THBS2: variants seen among roughly 807,000 people sequenced by gnomAD.
THBS2 encodes thrombospondin 2, also known as thrombospondin-2.
In THBS2, 47 loss-of-function variants were observed where a neutral mutation model predicts 135.2. The ratio of observed to expected loss-of-function variants is 0.35; its 90% confidence interval spans 0.28 to 0.44. The LOEUF (loss-of-function observed/expected upper bound fraction) is 0.44. THBS2 is among the 20% of genes least tolerant of loss of function. THBS2 has a pLI of 1.00. For synonymous variants in THBS2, 639 were observed against 633.8 expected (o/e 1.01, Z -0.12); for missense variants, 1,288 against 1,603.1 (o/e 0.80, Z 3.36).
At chr6:169,227,242 C>T (rs945725640) in intron 15 of THBS2, among the ~76,000 whole-genome samples, 1 of 152,106 alleles carries the variant, frequency 6.6e-6, no homozygotes, top group Non-Finnish European at 1.5e-5. Context: ...GGGCCGAGCT[C>T]CAGCGTGGAG....
Position 169,225,315 on chromosome 6 carries a change from C to T in THBS2, c.2603G>A (p.Gly868Asp), listed in dbSNP as rs2114981797. The change falls in exon 17 of 22, where the codon GGC becomes GAC. Residue 868 changes from glycine (G) to aspartate (D), a missense_variant. Transcript: ENST00000617924. ...CDNNEDIDDDGHQNNQDNCPY... is the reference protein window; with the variant it reads ...CDNNEDIDDDDHQNNQDNCPY... Reference sequence around the variant, plus strand: ...GCAGTTGTCCTGGTTGTTCTGGTGGCCGTCGTCATCTATGTCCTCGTTGTT... The same window carrying T: ...GCAGTTGTCCTGGTTGTTCTGGTGGTCGTCGTCATCTATGTCCTCGTTGTT... The T allele has an allele frequency of 6.3e-7, 1 of 1,580,428 alleles. No individual in the cohort carries two copies. Among genetic ancestry groups the T allele is most frequent in the South Asian group, 1.1e-5 (1 of 87,426 alleles).
chr6:169,236,904 CCTTT>C (rs1368128189), intron 9 of THBS2, among the ~76,000 whole-genome samples: 52 of 152,368 alleles, frequency 3.4e-4, no homozygotes, highest in African/African-American at 1.2e-3. Context: ...GATCATTCTT[CCTTT>C]AATTACAGTC....
At chr6:169,224,041 A>G (rs1779530984) in intron 17 of THBS2, among the ~76,000 whole-genome samples, 1 of 151,886 alleles carries the variant, frequency 6.6e-6, no homozygotes, top group Non-Finnish European at 1.5e-5. Context: ...GGGGACCACG[A>G]ATTTGCCACA....
intron 1 of THBS2, among the ~76,000 whole-genome samples, chr6:169,251,509 G>C (rs577814547): frequency 6.6e-6 from 1 of 152,154 alleles, no homozygotes; most frequent in African/African-American, 2.4e-5. Context: ...TCCAAAGCCC[G>C]GCTGGGCGAT....
At chr6:169,246,325 T>G (rs746755709) in intron 3 of THBS2, 44 bp from the exon 4 acceptor site, 22 of 1,488,892 alleles carry the variant, frequency 1.5e-5, no homozygotes, top group Non-Finnish European at 2.1e-5. Context: ...CAGATAAACA[T>G]CCAATGTTTG....
chr6:169,232,147 G>A lies in THBS2; in HGVS notation c.1984C>T (p.His662Tyr), dbSNP rs758125602. The change falls in exon 13 of 22, where the codon CAC (histidine) becomes TAC (tyrosine). Residue 662 changes from histidine to tyrosine, a missense_variant. Physicochemically the swap from His to Tyr is moderately conservative, Grantham distance 83. Coordinates refer to ENST00000617924, the MANE Select transcript of THBS2 (RefSeq NM_003247.5). ...TGGCCCAGGTAGATGCACTCCGCGT[G>A]CTTGTGGCAGTTGTGTGTCTTGTCC... Reference protein sequence around the residue: ...CKDKTHNCHKHAECIYLGHFS... With the variant: ...CKDKTHNCHKYAECIYLGHFS... 10 of 1,613,974 alleles carry A rather than the reference G, an allele frequency of 6.2e-6. No individual in the cohort carries two copies. In the Admixed American group the frequency reaches 1.0e-4, roughly 16 times the overall value.
At chr6:169,229,764 G>A in intron 13 of THBS2, 85 bp from the exon 14 acceptor site, 1 of 1,148,198 alleles carries the variant, frequency 8.7e-7, no homozygotes, top group Non-Finnish European at 1.3e-6. Flanking sequence ...AACCAGCATG[G>A]CGCCGAGGAA....
chr6:169,225,334 CGTT>C lies in THBS2; in HGVS notation c.2581_2583del (p.Asn861del), dbSNP rs774683794. ...TGGTGGCCGTCGTCATCTATGTCCT[CGTT>C]GTTGTCACACTGGTCCCCAACAAGG... On this transcript the variant is annotated inframe_deletion, in exon 17 of 22. Coordinates refer to ENST00000617924, the MANE Select transcript of THBS2 (RefSeq NM_003247.5). 4.2e-5 allele frequency: 66 copies of C among 1,566,352 alleles called. No homozygotes were observed. The highest frequency in any genetic ancestry group is 7.0e-5 in the South Asian group (6 of 85,778).
At chr6:169,242,726 TTCCCACCTTCCCACCGC>T (rs1780375888) in intron 4 of THBS2, among the ~76,000 whole-genome samples, 1 of 120,360 alleles carries the variant, frequency 8.3e-6, no homozygotes, top group Admixed American at 8.2e-5. Flanking sequence ...CCTTCCCACC[TTCCCACCTTCCCACCGC>T]TCCCACCTTC....
intron 4 of THBS2, among the ~76,000 whole-genome samples, chr6:169,244,290 C>T (rs1360694341): frequency 2.7e-5 from 4 of 147,992 alleles, no homozygotes; most frequent in African/African-American, 1.0e-4. Flanking sequence ...AAGGAGGCTG[C>T]ACCTACTAGG....
Position 169,241,228 on chromosome 6 carries a change from T to C in THBS2, c.891+534A>G. On this transcript the variant is annotated intron_variant, in intron 5 of 21. Coordinates refer to ENST00000617924, the MANE Select transcript of THBS2 (RefSeq NM_003247.5). This position sits in a 1 kb window ranked among gnomAD's most constrained non-coding sequence, Gnocchi z 5.5. The stretch of plus-strand genomic sequence containing the variant: ...AGCACCTCATTATGTTCAGTCCCTT[T>C]CTCTAAACTGCGAGCTGCCCGTCCT... Among the ~76,000 whole-genome samples the C allele has an allele frequency of 6.6e-6, 1 of 152,068 alleles. No homozygotes were observed. Among genetic ancestry groups the C allele is most frequent in the Non-Finnish European group, 1.5e-5 (1 of 68,018 alleles).
chr6:169,220,067 A>C, intron 21 of THBS2, 131 bp downstream of exon 21: 1 of 1,168,994 alleles, frequency 8.6e-7, no homozygotes, highest in East Asian at 2.4e-5. Flanking sequence ...CAGGGGGCTC[A>C]TGTGTGGTAT....
At chr6:169,225,109 T>G in intron 17 of THBS2, 36 bp downstream of exon 17, 8 of 1,603,580 alleles carry the variant, frequency 5.0e-6, no homozygotes, top group Middle Eastern at 1.7e-4. Flanking sequence ...TCAGAAGCCA[T>G]TTTCCTCCAC....
At chr6:169,226,444 G>C in intron 15 of THBS2, 146 bp from the exon 16 acceptor site, 1 of 566,742 alleles carries the variant, frequency 1.8e-6, no homozygotes, top group Non-Finnish European at 3.1e-6. Flanking sequence ...TAAGAATATA[G>C]TAAAATATAA....
intron 21 of THBS2, chr6:169,219,731 G>C (rs1298969200): frequency 3.9e-6 from 2 of 507,332 alleles, no homozygotes; most frequent in African/African-American, 3.9e-5. Flanking sequence ...GCATTTGAAG[G>C]CATGGAATTA....
chr6:169,246,256 A>C lies in THBS2; in HGVS notation c.635T>G (p.Val212Gly), dbSNP rs556023054. ...FRGLLQNVHL[V>G]FENSVEDILS... is the part of the protein sequence containing the mutation. ...AATATCTTCCACAGAGTTTTCAAAC[A>C]CTAGGTGGACGTTCTGAAGCAAACC... Residue 212 changes from valine (V) to glycine (G), a missense_variant, in exon 4 of 22, where the codon GTG (valine) becomes GGG (glycine). By Grantham distance (109) the Val-to-Gly change is moderately radical. Coordinates refer to ENST00000617924, the MANE Select transcript of THBS2 (RefSeq NM_003247.5). 2.5e-6 allele frequency: 4 copies of C among 1,613,942 alleles called. No homozygotes were observed. The South Asian group carries it at 3.3e-5, about 13-fold the overall frequency.
chr6:169,248,079 A>G (rs1298396687), intron 3 of THBS2, among the ~76,000 whole-genome samples: 2 of 151,590 alleles, frequency 1.3e-5, no homozygotes, highest in African/African-American at 4.9e-5. Context: ...GTGTGTGTAC[A>G]TGTGTGATGT....
Position 169,232,049 on chromosome 6 carries a change from G to A in THBS2, c.2082C>T (p.Asp694=), listed in dbSNP as rs138483869. Residue 694 remains aspartate (D), a synonymous_variant, in exon 13 of 22, where the codon GAC becomes GAT. Coordinates refer to ENST00000617924, the MANE Select transcript of THBS2 (RefSeq NM_003247.5). ...GGTTGGGCCAGCCGTCCAGGTCCGA[G>A]TCCTCCCCGCAGATGAGCCCGTCGC... is the stretch of plus-strand genomic sequence containing the variant. ...YAGDGLICGE[D]SDLDGWPNLN... 3.0e-5 allele frequency: 49 copies of A among 1,614,056 alleles called. No homozygotes were observed. In the African/African-American group the frequency reaches 4.9e-4, roughly 16 times the overall value.
At chr6:169,223,739 A>G (rs1779517306) in intron 17 of THBS2, among the ~76,000 whole-genome samples, 1 of 152,174 alleles carries the variant, frequency 6.6e-6, no homozygotes, top group African/African-American at 2.4e-5. Context: ...ACATAAAGCC[A>G]TTTCTCACCG....
Sources: gnomAD v4.1 joint callset for allele counts (sites outside exome capture counted in the v4.1 genomes callset) on GRCh38, gnomAD v4.1.1 for gene constraint, Gnocchi (gnomAD v3.1) non-coding constraint, MANE v1.5 for transcripts, NCBI Gene and HGNC (gene_info 2026-07-23, HGNC 2026-07-21) for gene names.